MYZAP: variants seen among roughly 807,000 people sequenced by gnomAD.
MYZAP encodes the protein GRINL1A complex locus upstream.
Under a neutral mutation model 69.4 loss-of-function variants are expected in MYZAP, and 66 were observed. The ratio of observed to expected loss-of-function variants is 0.95; its 90% confidence interval spans 0.78 to 1.17. MYZAP has a LOEUF of 1.17. MYZAP is among the 50% of genes most tolerant of loss of function. The pLI, the probability that MYZAP is intolerant of heterozygous loss-of-function variation, is 0.00. For synonymous variants in MYZAP, 256 were observed against 205.9 expected (o/e 1.24, Z -2.09); for missense variants, 611 against 556.2 (o/e 1.10, Z -0.99).
At chr15:57,670,929 T>C (rs542112386) in intron 11 of MYZAP, among the ~76,000 whole-genome samples, 87 of 152,208 alleles carry the variant, frequency 5.7e-4, no homozygotes, top group African/African-American at 1.9e-3. Flanking sequence ...TTATATGTAT[T>C]GTATCTATAT....
intron 11 of MYZAP, among the ~76,000 whole-genome samples, chr15:57,667,126 G>A (rs1465737866): frequency 6.6e-6 from 1 of 152,154 alleles, no homozygotes; most frequent in Non-Finnish European, 1.5e-5. Flanking sequence ...AATGTGTGTT[G>A]TGTAGCACCT....
At chr15:57,615,419 A>G (rs1320079140) in intron 2 of MYZAP, among the ~76,000 whole-genome samples, 3 of 152,118 alleles carry the variant, frequency 2.0e-5, no homozygotes, top group African/African-American at 7.2e-5. Context: ...TGTTCCTGGC[A>G]TTGCTTGTGT....
At chr15:57,597,840 G>T (rs74016317) in intron 1 of MYZAP, among the ~76,000 whole-genome samples, 2 of 152,158 alleles carry the variant, frequency 1.3e-5, no homozygotes, top group East Asian at 3.9e-4. Context: ...ACACTGTTCC[G>T]CATGCAGCCT....
chr15:57,604,863 C>T (rs573819270), intron 2 of MYZAP, among the ~76,000 whole-genome samples: 1 of 152,322 alleles, frequency 6.6e-6, no homozygotes, highest in African/African-American at 2.4e-5. Flanking sequence ...GTGACAGCTC[C>T]TGTGCTAAGT....
intron 10 of MYZAP, among the ~76,000 whole-genome samples, chr15:57,640,959 A>G (rs1445495773): frequency 6.6e-6 from 1 of 152,206 alleles, no homozygotes; most frequent in South Asian, 2.1e-4. Context: ...TTTCCAAGGA[A>G]AAGCATCACT....
chr15:57,636,814 G>A (rs574410376), intron 8 of MYZAP, among the ~76,000 whole-genome samples: 10 of 152,176 alleles, frequency 6.6e-5, no homozygotes, highest in African/African-American at 1.4e-4. Context: ...CTTAGTGCGC[G>A]TATGTTTCCT....
chr15:57,634,524 A>G (rs1422596487), intron 8 of MYZAP, among the ~76,000 whole-genome samples: 1 of 152,160 alleles, frequency 6.6e-6, no homozygotes, highest in Non-Finnish European at 1.5e-5. Context: ...AGAATCTCCA[A>G]TCTGATGATG....
At chr15:57,665,469 G>C (rs956999774) in intron 11 of MYZAP, among the ~76,000 whole-genome samples, 4 of 152,338 alleles carry the variant, frequency 2.6e-5, no homozygotes, top group East Asian at 1.9e-4. Context: ...GGGATTTATT[G>C]ATCATGCCTG....
At chr15:57,629,650 A>C in intron 5 of MYZAP, 52 bp from the exon 6 acceptor site, 1 of 1,590,236 alleles carries the variant, frequency 6.3e-7, no homozygotes, top group Non-Finnish European at 8.5e-7. Context: ...GGTGCAGCCC[A>C]TGTGTTTTCA....
At chr15:57,679,408 G>A (rs2039318931) in intron 12 of MYZAP, among the ~76,000 whole-genome samples, 1 of 143,972 alleles carries the variant, frequency 6.9e-6, no homozygotes, top group Admixed American at 7.0e-5. Flanking sequence ...CTCCTCACTA[G>A]AATATGAGCT....
chr15:57,644,158 C>G (rs2037320566), intron 10 of MYZAP, among the ~76,000 whole-genome samples: 1 of 152,184 alleles, frequency 6.6e-6, no homozygotes, highest in South Asian at 2.1e-4. Flanking sequence ...TTGAGAATCG[C>G]TGTCCCGGAT....
intron 10 of MYZAP, among the ~76,000 whole-genome samples, chr15:57,653,065 A>G (rs1400014518): frequency 6.6e-6 from 1 of 152,164 alleles, no homozygotes; most frequent in Non-Finnish European, 1.5e-5. Flanking sequence ...ATGTCTATAA[A>G]TGAGGGCCCA....
chr15:57,620,512 C>A (rs920071143), intron 3 of MYZAP, among the ~76,000 whole-genome samples: 4 of 152,150 alleles, frequency 2.6e-5, no homozygotes, highest in Admixed American at 6.5e-5. Context: ...TTTGTAAGGT[C>A]TTTTGTTGTG....
At chr15:57,626,044 G>T (rs1015424855) in intron 5 of MYZAP, 152 bp downstream of exon 5, 1 of 719,322 alleles carries the variant, frequency 1.4e-6, no homozygotes, top group African/African-American at 1.8e-5. Context: ...CCAGAAGACA[G>T]TGTAGGAAAC....
chr15:57,620,061 C>A (rs144173398), intron 3 of MYZAP, among the ~76,000 whole-genome samples: 1 of 152,194 alleles, frequency 6.6e-6, no homozygotes, highest in Non-Finnish European at 1.5e-5. Flanking sequence ...TCCACCCACT[C>A]ACCACTGGGA....
intron 10 of MYZAP, 102 bp downstream of exon 10, chr15:57,639,647 A>G: frequency 1.5e-6 from 2 of 1,354,766 alleles, no homozygotes; most frequent in Non-Finnish European, 2.0e-6. Flanking sequence ...GTGGCTCACA[A>G]GCCGAGGTGC....
chr15:57,652,131 A>G (rs557719083), intron 10 of MYZAP, among the ~76,000 whole-genome samples: 8 of 152,244 alleles, frequency 5.3e-5, no homozygotes, highest in South Asian at 4.1e-4. Context: ...CACAAACCCA[A>G]TCAAGCATCA....
chr15:57,595,082 G>C (rs914338605), intron 1 of MYZAP, among the ~76,000 whole-genome samples: 1 of 152,288 alleles, frequency 6.6e-6, no homozygotes, highest in East Asian at 1.9e-4. Flanking sequence ...GGACTCCTGC[G>C]AGCCAGCTGC....
chr15:57,675,071 A>G lies in MYZAP; in HGVS notation c.1304+3A>G. ...GTGGGCTGTGATCTTCTACCCAGGT[A>G]TTTAGGAATTTCCTGATTTTTTTTT... On this transcript the variant is annotated splice_donor_region_variant and intron_variant, in intron 12 of 12. Transcript: ENST00000267853. The G allele has an allele frequency of 6.3e-7, 1 of 1,583,346 alleles. No homozygotes were observed. Among genetic ancestry groups the G allele is most frequent in the Non-Finnish European group, 8.6e-7 (1 of 1,167,658 alleles).
Sources: gnomAD v4.1 joint callset for allele counts (sites outside exome capture counted in the v4.1 genomes callset) on GRCh38, gnomAD v4.1.1 for gene constraint, MANE v1.5 for transcripts, NCBI Gene and HGNC (gene_info 2026-07-23, HGNC 2026-07-21) for gene names.